Variants in ANO2 observed in about 807,000 individuals in gnomAD.
ANO2 encodes the protein anoctamin 2, also known as anoctamin-2.
Under a neutral mutation model 124.2 loss-of-function variants are expected in ANO2, and 101 were observed. The observed-to-expected ratio is 0.81, with a 90% CI of 0.69 to 0.96. The LOEUF (loss-of-function observed/expected upper bound fraction) is 0.96. ANO2 is among the 40% of genes least tolerant of loss of function. ANO2 has a pLI of 0.00. For synonymous variants in ANO2, 486 were observed against 482.5 expected (o/e 1.01, Z -0.09); for missense variants, 1,293 against 1,274.5 (o/e 1.01, Z -0.22).
chr12:5,927,112 T>C (rs1332789975), intron 1 of ANO2, among the ~76,000 whole-genome samples: 2 of 152,146 alleles, frequency 1.3e-5, no homozygotes, highest in African/African-American at 2.4e-5. Context: ...TCCCTTTCTC[T>C]CCCAGCCCAC....
chr12:5,828,408 G>A (rs1446178760), intron 6 of ANO2, among the ~76,000 whole-genome samples: 1 of 152,222 alleles, frequency 6.6e-6, no homozygotes, highest in East Asian at 1.9e-4. Context: ...TCGCCCACCT[G>A]CTCGGGGACG....
At chr12:5,871,469 A>T (rs997125496) in intron 3 of ANO2, among the ~76,000 whole-genome samples, 1 of 152,186 alleles carries the variant, frequency 6.6e-6, no homozygotes, top group Non-Finnish European at 1.5e-5. Flanking sequence ...CCTGTCAGGA[A>T]CTGGGCTGCA....
chr12:5,668,638 C>T (rs1255901346), intron 14 of ANO2, among the ~76,000 whole-genome samples: 2 of 152,108 alleles, frequency 1.3e-5, no homozygotes, highest in Admixed American at 6.6e-5. Context: ...ATGTCCTGAA[C>T]GGTATTGCCT....
rs773392333 is a variant in ANO2 at position 5,769,401 on chromosome 12, C to T, written c.1056-18431G>A. ...CCAAGAAAGAGAGCCAGGGGCCAGA[C>T]GAGCAAACACTGAGTTCAGGATGAA... is the stretch of plus-strand genomic sequence containing the variant. On this transcript the variant is annotated intron_variant, in intron 10 of 24. Transcript: ENST00000682330. The surrounding 1 kb of genome is among the most constrained non-coding windows in gnomAD (Gnocchi z 4.0). Among the ~76,000 whole-genome samples, 36 of 152,034 alleles carry T rather than the reference C, an allele frequency of 2.4e-4. No homozygotes were observed. Among genetic ancestry groups the T allele is most frequent in the Non-Finnish European group, 4.3e-4 (29 of 68,024 alleles).
chr12:5,639,726 G>A (rs539608250), intron 15 of ANO2, among the ~76,000 whole-genome samples: 1 of 152,310 alleles, frequency 6.6e-6, no homozygotes, highest in African/African-American at 2.4e-5. Flanking sequence ...GTAGTGTGAG[G>A]ATGTGGGCTT....
chr12:5,835,138 G>A (rs955188343), intron 4 of ANO2, among the ~76,000 whole-genome samples: 4 of 152,130 alleles, frequency 2.6e-5, no homozygotes, highest in Admixed American at 1.3e-4. Context: ...GATTAATAAG[G>A]CTTAAACAGA....
intron 14 of ANO2, among the ~76,000 whole-genome samples, chr12:5,712,674 C>T (rs1192888007): frequency 6.6e-6 from 1 of 152,136 alleles, no homozygotes; most frequent in Non-Finnish European, 1.5e-5. Flanking sequence ...AATACAAGAG[C>T]CAAGAGCTAA....
At chr12:5,915,998 C>T (rs566797270) in intron 3 of ANO2, among the ~76,000 whole-genome samples, 5 of 151,426 alleles carry the variant, frequency 3.3e-5, no homozygotes, top group Admixed American at 2.0e-4. Flanking sequence ...GGAGTCTGGC[C>T]AGGCACTGTG....
intron 10 of ANO2, among the ~76,000 whole-genome samples, chr12:5,753,040 T>C (rs1409308526): frequency 3.9e-5 from 6 of 152,308 alleles, no homozygotes; most frequent in African/African-American, 1.4e-4. Flanking sequence ...AACCAAAACT[T>C]ATTCTGAGAC....
chr12:5,888,199 T>C (rs1009267597), intron 3 of ANO2, among the ~76,000 whole-genome samples: 1 of 152,048 alleles, frequency 6.6e-6, no homozygotes, highest in Non-Finnish European at 1.5e-5. Flanking sequence ...CGGTGAGTGT[T>C]ACAGCTCTTA....
chr12:5,599,389 A>C, intron 20 of ANO2, 95 bp downstream of exon 20: 1 of 1,401,882 alleles, frequency 7.1e-7, no homozygotes, highest in Non-Finnish European at 9.6e-7. Context: ...AGGCTGTCCC[A>C]GTCATTTTCC....
chr12:5,617,503 C>T (rs1944885168), intron 16 of ANO2, among the ~76,000 whole-genome samples: 2 of 147,936 alleles, frequency 1.4e-5, no homozygotes, highest in South Asian at 4.3e-4. Flanking sequence ...CTCCAGATAA[C>T]ACTGTATCAC....
chr12:5,841,124 C>A (rs1283096335), intron 4 of ANO2, among the ~76,000 whole-genome samples: 1 of 152,212 alleles, frequency 6.6e-6, no homozygotes, highest in Non-Finnish European at 1.5e-5. Flanking sequence ...TGAGCCAGGA[C>A]CTGAGGGGTT....
intron 14 of ANO2, among the ~76,000 whole-genome samples, chr12:5,684,487 G>A (rs1591899851): frequency 6.6e-6 from 1 of 152,170 alleles, no homozygotes; most frequent in East Asian, 1.9e-4. Context: ...GGCAGTGGGA[G>A]GACAAGTGGT....
chr12:5,849,620 C>A (rs1190526187), intron 4 of ANO2, among the ~76,000 whole-genome samples: 1 of 152,170 alleles, frequency 6.6e-6, no homozygotes, highest in Non-Finnish European at 1.5e-5. Flanking sequence ...TTCCAAGATT[C>A]CCCCTCCCAG....
intron 14 of ANO2, among the ~76,000 whole-genome samples, chr12:5,674,310 C>T (rs1339141974): frequency 6.6e-6 from 1 of 152,106 alleles, no homozygotes; most frequent in Admixed American, 6.5e-5. Context: ...AAGGTATCCA[C>T]CTTTTCCAGG....
intron 20 of ANO2, among the ~76,000 whole-genome samples, chr12:5,598,333 A>G (rs1943762197): frequency 6.6e-6 from 1 of 152,150 alleles, no homozygotes; most frequent in Admixed American, 6.5e-5. Context: ...AAATGTTTAG[A>G]ATGTTTAGAC....
chr12:5,804,460 GA>G (rs1254149671), intron 9 of ANO2, among the ~76,000 whole-genome samples: 1 of 152,190 alleles, frequency 6.6e-6, no homozygotes, highest in Non-Finnish European at 1.5e-5. Context: ...AAGGCCACAA[GA>G]AAGGGTCATC....
chr12:5,595,674 AGAT>A (rs1227028079), intron 20 of ANO2, among the ~76,000 whole-genome samples: 35 of 152,190 alleles, frequency 2.3e-4, no homozygotes, highest in Non-Finnish European at 1.5e-5. Flanking sequence ...TAATTCAGTA[AGAT>A]GCCATCAGCG....
Sources: allele counts gnomAD v4.1 joint callset (sites outside exome capture counted in the v4.1 genomes callset), GRCh38; gene constraint gnomAD v4.1.1; non-coding constraint Gnocchi (gnomAD v3.1); transcripts MANE v1.5; gene names NCBI Gene and HGNC (gene_info 2026-07-23, HGNC 2026-07-21).